The following NPAS3 variants were observed in gnomAD, a reference collection of about 807,000 sequenced individuals.
NPAS3 encodes the protein neuronal PAS domain-containing protein 3.
A neutral mutation model predicts 73.1 loss-of-function variants in NPAS3; 14 were observed. That is an observed-to-expected ratio of 0.19 (90% CI 0.13 to 0.30). NPAS3 has a LOEUF of 0.30. Among genes scored for constraint, NPAS3 ranks in the 10% least tolerant of loss-of-function variants. The pLI is 1.00. For synonymous variants in NPAS3, 620 were observed against 541.5 expected, an observed-to-expected ratio of 1.14 and a Z score of -2.01; for missense variants, 1,096 against 1,250.0, an observed-to-expected ratio of 0.88 and a Z score of 1.86.
intron 4 of NPAS3, among the ~76,000 whole-genome samples, chr14:33,369,879 A>G (rs2140430326): frequency 6.6e-6 from 1 of 152,322 alleles, no homozygotes; most frequent in East Asian, 1.9e-4. Flanking sequence ...ATGTTCAACA[A>G]TATCGCAATG....
intron 3 of NPAS3, among the ~76,000 whole-genome samples, chr14:33,236,313 C>T (rs2048033182): frequency 6.6e-6 from 1 of 152,088 alleles, no homozygotes; most frequent in Non-Finnish European, 1.5e-5. Context: ...GTGTTACTTG[C>T]ACAGCAGCTG....
At chr14:33,600,105 T>C (rs1258077129) in intron 5 of NPAS3, among the ~76,000 whole-genome samples, 1 of 152,238 alleles carries the variant, frequency 6.6e-6, no homozygotes, top group Non-Finnish European at 1.5e-5. Flanking sequence ...CAAATCTAGA[T>C]GTTTTGTTCC....
At chr14:33,664,677 C>A (rs912254796) in intron 5 of NPAS3, among the ~76,000 whole-genome samples, 7 of 151,964 alleles carry the variant, frequency 4.6e-5, no homozygotes, top group Non-Finnish European at 5.9e-5. Context: ...TAAGAAAAAA[C>A]CCCATCAAAA....
At chr14:33,763,877 C>G (rs543497444) in intron 7 of NPAS3, among the ~76,000 whole-genome samples, 1 of 151,322 alleles carries the variant, frequency 6.6e-6, no homozygotes, top group Non-Finnish European at 1.5e-5. Context: ...ATATGACCCA[C>G]GTGTTTGCTT....
At chr14:33,312,526 T>A (rs1290453897) in intron 3 of NPAS3, among the ~76,000 whole-genome samples, 1 of 152,144 alleles carries the variant, frequency 6.6e-6, no homozygotes, top group African/African-American at 2.4e-5. Context: ...AATTAAAAAG[T>A]TGCAACATTG....
chr14:33,450,955 T>C (rs1034441839), intron 4 of NPAS3, among the ~76,000 whole-genome samples: 24 of 152,318 alleles, frequency 1.6e-4, no homozygotes, highest in Middle Eastern at 3.4e-3. Flanking sequence ...CTGTCATAAG[T>C]CTTTTTACAA....
chr14:33,220,148 C>A (rs11624892), intron 3 of NPAS3, among the ~76,000 whole-genome samples: 42,127 of 152,088 alleles, frequency 0.28, 6,384 homozygotes, highest in Non-Finnish European at 0.34. Context: ...GCAGGAGCCT[C>A]CTACAGGGCT....
At position 33,498,661 on chromosome 14, in the gene NPAS3, G is replaced by A. The variant is rs141857493; in HGVS notation, c.469-61460G>A. 2.0e-3 allele frequency among the ~76,000 whole-genome samples: 302 copies of A among 151,796 alleles called. 2 individuals are homozygous for A. The highest frequency in any genetic ancestry group is 6.9e-3 in the African/African-American group (286 of 41,344). On this transcript the variant is annotated intron_variant, in intron 4 of 11. Transcript: ENST00000356141. ...AACAATGGGAACACATGGACACAGA[G>A]GGGAACATCACATACTGTGGCCTGT...
At chr14:33,519,255 C>G (rs2140086840) in intron 4 of NPAS3, among the ~76,000 whole-genome samples, 1 of 152,258 alleles carries the variant, frequency 6.6e-6, no homozygotes, top group South Asian at 2.1e-4. Context: ...CATCAAACTT[C>G]TCAGTATCCT....
chr14:33,677,580 G>C (rs923390511), intron 6 of NPAS3, among the ~76,000 whole-genome samples: 2 of 151,012 alleles, frequency 1.3e-5, no homozygotes, highest in East Asian at 3.9e-4. Context: ...AATTTGGCCT[G>C]CCTAGAAGTA....
At chr14:33,115,953 G>A (rs1279323) in intron 2 of NPAS3, among the ~76,000 whole-genome samples, 133,501 of 152,050 alleles carry the variant, frequency 0.88, 58,707 homozygotes, top group Middle Eastern at 0.95. Flanking sequence ...TCCATATTTT[G>A]GGAGACTCCA....
intron 2 of NPAS3, among the ~76,000 whole-genome samples, chr14:33,064,402 T>C (rs570366747): frequency 6.6e-5 from 10 of 152,330 alleles, no homozygotes; most frequent in African/African-American, 2.2e-4. Flanking sequence ...ATAACTTTTA[T>C]TTCCATATGT....
At chr14:33,025,461 G>T (rs181553305) in intron 1 of NPAS3, among the ~76,000 whole-genome samples, 2 of 152,192 alleles carry the variant, frequency 1.3e-5, no homozygotes, top group South Asian at 2.1e-4. Flanking sequence ...TAGTTCAGGT[G>T]TTAACTTGCT....
At chr14:33,183,421 G>GGTTT (rs2045868671) in intron 2 of NPAS3, among the ~76,000 whole-genome samples, 1 of 60,764 alleles carries the variant, frequency 1.6e-5, no homozygotes, top group African/African-American at 9.6e-5. Flanking sequence ...GTGAGACTCT[G>GGTTT]TTTTTTTTTT....
chr14:33,653,349 A>G (rs866298095), intron 5 of NPAS3, among the ~76,000 whole-genome samples: 2 of 152,208 alleles, frequency 1.3e-5, no homozygotes, highest in Non-Finnish European at 2.9e-5. Context: ...AAAGTTCTGC[A>G]TTCTGTATAT....
intron 9 of NPAS3, among the ~76,000 whole-genome samples, chr14:33,788,303 C>T (rs1388279964): frequency 2.6e-5 from 4 of 152,174 alleles, no homozygotes; most frequent in Non-Finnish European, 5.9e-5. Flanking sequence ...GGGTGAATGG[C>T]GCCACAGATG....
chr14:33,791,244 G>A (rs955804752), intron 9 of NPAS3, among the ~76,000 whole-genome samples: 1 of 152,144 alleles, frequency 6.6e-6, no homozygotes, highest in Non-Finnish European at 1.5e-5. Context: ...GCTATCACGT[G>A]GCTCCCCGAC....
intron 3 of NPAS3, among the ~76,000 whole-genome samples, chr14:33,324,786 T>G (rs911952243): frequency 1.2e-4 from 18 of 151,978 alleles, no homozygotes; most frequent in East Asian, 3.9e-4. Flanking sequence ...ATACTTGTTT[T>G]TGTGTGTGTG....
At chr14:32,939,548 C>T (rs1249974435) in intron 1 of NPAS3, among the ~76,000 whole-genome samples, 182 bp downstream of exon 1, 1 of 135,382 alleles carries the variant, frequency 7.4e-6, no homozygotes, top group East Asian at 2.2e-4. Context: ...GCTGCGGCAG[C>T]GAGAGGCTCT....
Sources: gnomAD v4.1 joint callset for allele counts (sites outside exome capture counted in the v4.1 genomes callset) on GRCh38, gnomAD v4.1.1 for gene constraint, MANE v1.5 for transcripts, NCBI Gene and HGNC (gene_info 2026-07-23, HGNC 2026-07-21) for gene names.